SLC13A2: variants seen among roughly 807,000 people sequenced by gnomAD.
The protein encoded by SLC13A2 is solute carrier family 13 member 2.
A neutral mutation model predicts 58.5 loss-of-function variants in SLC13A2; 40 were observed. That is an observed-to-expected ratio of 0.68 (90% CI 0.53 to 0.89). The LOEUF is 0.89. Ranked by LOEUF, SLC13A2 falls within the 40% of genes least tolerant of loss-of-function variation. SLC13A2 has a pLI of 0.00. For missense variants in SLC13A2, 694 were observed against 772.6 expected (o/e 0.90, Z 1.21); for synonymous variants, 341 against 331.6 (o/e 1.03, Z -0.31).
intron 1 of SLC13A2, among the ~76,000 whole-genome samples, chr17:28,479,929 T>C (rs1555600736): frequency 1.3e-5 from 2 of 152,020 alleles, no homozygotes; most frequent in African/African-American, 2.4e-5. Context: ...CCGAGGCAGG[T>C]GGATCACCTG....
At chr17:28,488,267 G>C (rs1555602361) in intron 1 of SLC13A2, among the ~76,000 whole-genome samples, 1 of 152,098 alleles carries the variant, frequency 6.6e-6, no homozygotes, top group Non-Finnish European at 1.5e-5. Context: ...CAAGGACAGG[G>C]CAACTGGGAT....
chr17:28,477,462 G>A lies in SLC13A2; in HGVS notation c.102+3648G>A, dbSNP rs532317234. On this transcript the variant is annotated intron_variant, in intron 1 of 11. Transcript: ENST00000314669. ...GCCCGCCTTGGCCTCCCAAAGTGCT[G>A]GGATTACAGGCGTGAGCCACCATGC... Among the ~76,000 whole-genome samples, 628 of 151,866 alleles carry A rather than the reference G, an allele frequency of 4.1e-3. 5 individuals are homozygous for A. The highest frequency in any genetic ancestry group is 0.014 in the African/African-American group (597 of 41,542).
chr17:28,489,134 G>A, intron 1 of SLC13A2, 80 bp from the exon 2 acceptor site: 8 of 1,535,774 alleles, frequency 5.2e-6, no homozygotes, highest in Non-Finnish European at 7.1e-6. Flanking sequence ...AAATGGCCTG[G>A]TTTGTCTGAC....
chr17:28,474,442 A>G (rs1306563434), intron 1 of SLC13A2, among the ~76,000 whole-genome samples: 1 of 152,056 alleles, frequency 6.6e-6, no homozygotes, highest in Non-Finnish European at 1.5e-5. Context: ...CTCCGCCCCC[A>G]GCAGAAGTCA....
Position 28,494,740 on chromosome 17 carries a change from G to T in SLC13A2, c.1308+228G>T, listed in dbSNP as rs1179030137. Among the ~76,000 whole-genome samples, 1 of 152,158 alleles carries T rather than the reference G, an allele frequency of 6.6e-6. No individual in the cohort carries two copies. Among genetic ancestry groups the T allele is most frequent in the Non-Finnish European group, 1.5e-5 (1 of 68,022 alleles). On this transcript the variant is annotated intron_variant, in intron 9 of 11. Transcript: ENST00000314669. The surrounding 1 kb of genome is among the most constrained non-coding windows in gnomAD (Gnocchi z 4.0). ...TTTGTTCAGTTCTCAAAGTCCAAGG[G>T]AAGGCAGGATTCTCTGGTGGGCAGA... is the stretch of plus-strand genomic sequence containing the variant.
At chr17:28,488,731 G>A (rs56363554) in intron 1 of SLC13A2, among the ~76,000 whole-genome samples, 3,619 of 152,282 alleles carry the variant, frequency 0.024, 134 homozygotes, top group African/African-American at 0.083. Context: ...CCACAAAACC[G>A]ACTCTGTCTG....
chr17:28,494,419 T>G lies in SLC13A2; in HGVS notation c.1215T>G (p.Leu405=), dbSNP rs782043917. The G allele has an allele frequency of 6.2e-7, 1 of 1,614,182 alleles. No homozygotes were observed. Residue 405 remains leucine (L), a synonymous_variant, in exon 9 of 12, where the codon CTT becomes CTG. Coordinates refer to ENST00000314669, the MANE Select transcript of SLC13A2 (RefSeq NM_003984.4). This position sits in a 1 kb window ranked among gnomAD's most constrained non-coding sequence, Gnocchi z 4.0. ...ACCCAGGGAAGCTGAAGGCCCCTCT[T>G]GGCCTCCTCGACTGGAAGACGGTGA... is the stretch of plus-strand genomic sequence containing the variant. ...PENPGKLKAP[L]GLLDWKTVNQ... is the part of the protein sequence containing the mutation.
intron 4 of SLC13A2, 141 bp downstream of exon 4, chr17:28,491,047 T>C: frequency 1.1e-6 from 1 of 891,818 alleles, no homozygotes; most frequent in Middle Eastern, 3.4e-4. Flanking sequence ...GACCAATTTG[T>C]TTTTCCTTTT....
Position 28,473,929 on chromosome 17 carries a change from G to A in SLC13A2, c.102+115G>A, listed in dbSNP as rs1340626553. The stretch of plus-strand genomic sequence containing the variant: ...TAACTTCCTCACTGCCCCTGCCCTG[G>A]AAGTGAGGCTATCGCCCCCTGCTCC... On this transcript the variant is annotated intron_variant, in intron 1 of 11. Coordinates refer to ENST00000314669, the MANE Select transcript of SLC13A2 (RefSeq NM_003984.4). 3.6e-6 allele frequency: 3 copies of A among 837,410 alleles called. No individual in the cohort carries two copies. In the East Asian group the frequency reaches 8.1e-5, roughly 23 times the overall value. The allele number at this position is 837,410 out of a possible 1,614,324, so 51.9% of individuals were successfully genotyped here.
intron 6 of SLC13A2, among the ~76,000 whole-genome samples, chr17:28,493,186 G>C (rs1162945752): frequency 1.3e-5 from 2 of 152,174 alleles, no homozygotes; most frequent in African/African-American, 4.8e-5. Context: ...AGGCTGGCAG[G>C]GGATAAGCAG....
chr17:28,487,492 C>T lies in SLC13A2; in HGVS notation c.103-1722C>T, dbSNP rs943715300. Reference sequence around the variant, plus strand: ...AGCATTTGAAGCACATAGAATATGACGCCTGGCACAAAGTCATCCTCCAAT... The same window carrying T: ...AGCATTTGAAGCACATAGAATATGATGCCTGGCACAAAGTCATCCTCCAAT... On this transcript the variant is annotated intron_variant, in intron 1 of 11. Transcript: ENST00000314669. The T allele has an allele frequency of 1.3e-5, 13 of 967,896 alleles. No individual in the cohort carries two copies. In the African/African-American group the frequency reaches 1.4e-4, roughly 10 times the overall value. 60.0% of individuals were successfully genotyped at this position (967,896 alleles called of 1,614,324 possible).
chr17:28,495,560 A>G, intron 9 of SLC13A2, 95 bp from the exon 10 acceptor site: 13 of 1,230,360 alleles, frequency 1.1e-5, no homozygotes, highest in Non-Finnish European at 1.5e-5. Context: ...TACCAGGGAG[A>G]TGTTAGCAGG....
chr17:28,493,600 A>G lies in SLC13A2; in HGVS notation c.908A>G (p.Lys303Arg). The G allele has an allele frequency of 6.2e-7, 1 of 1,607,090 alleles. No homozygotes were observed. ...NFRKNFGIGEKMQEQQQAAYC... is the reference protein window; with the variant it reads ...NFRKNFGIGERMQEQQQAAYC... ...CGGAAGAACTTTGGCATTGGGGAAA[A>G]GATGCAGGAGCAACAGCAGGCAGCC... Residue 303 changes from lysine (K) to arginine (R), a missense_variant, in exon 7 of 12, where the codon AAG (lysine) becomes AGG (arginine). By Grantham distance (26) the Lys-to-Arg change is conservative. Coordinates refer to ENST00000314669, the MANE Select transcript of SLC13A2 (RefSeq NM_003984.4).
At chr17:28,474,108 CT>C (rs2068631880) in intron 1 of SLC13A2, among the ~76,000 whole-genome samples, 1 of 152,164 alleles carries the variant, frequency 6.6e-6, no homozygotes, top group Admixed American at 6.5e-5. Context: ...GCAGATGGAG[CT>C]GATCTACCTA....
At chr17:28,484,847 G>C (rs1458682743) in intron 1 of SLC13A2, among the ~76,000 whole-genome samples, 1 of 152,196 alleles carries the variant, frequency 6.6e-6, no homozygotes, top group African/African-American at 2.4e-5. Flanking sequence ...TGATGAACAG[G>C]CAGGAGACCC....
At position 28,494,852 on chromosome 17, in the gene SLC13A2, G is replaced by A. The variant is rs1555604337; in HGVS notation, c.1308+340G>A. 6.6e-6 allele frequency among the ~76,000 whole-genome samples: 1 copy of A among 152,138 alleles called. No homozygotes were observed. Among genetic ancestry groups the A allele is most frequent in the East Asian group, 1.9e-4 (1 of 5,182 alleles). On this transcript the variant is annotated intron_variant, in intron 9 of 11. Coordinates refer to ENST00000314669, the MANE Select transcript of SLC13A2 (RefSeq NM_003984.4). The surrounding 1 kb of genome is among the most constrained non-coding windows in gnomAD (Gnocchi z 4.0). ...GTAGCATCAGCACCAAAGTAATTGG[G>A]GGTTGTGTTGACGCGGTCTGCCCTC...
chr17:28,480,217 C>A (rs2068761341), intron 1 of SLC13A2, among the ~76,000 whole-genome samples: 1 of 151,864 alleles, frequency 6.6e-6, no homozygotes, highest in South Asian at 2.1e-4. Context: ...CCTGTGGTCC[C>A]TGTTACTTAG....
intron 1 of SLC13A2, among the ~76,000 whole-genome samples, chr17:28,484,573 G>T (rs782575436): frequency 2.0e-5 from 3 of 152,208 alleles, no homozygotes; most frequent in African/African-American, 7.2e-5. Flanking sequence ...GTTTTGAGAT[G>T]AGTGTGTGTG....
chr17:28,496,735 G>A lies in SLC13A2; in HGVS notation c.1608+148G>A. On this transcript the variant is annotated intron_variant, in intron 11 of 11. Transcript: ENST00000314669. The surrounding 1 kb of genome is among the most constrained non-coding windows in gnomAD (Gnocchi z 4.2). ...ATGAAGGTGCAGTTGGGGAGGTTGG[G>A]ACATGACCTCTCAGTGGTGGCATCT... The A allele has an allele frequency of 8.7e-7, 1 of 1,147,592 alleles. No homozygotes were observed. The highest frequency in any genetic ancestry group is 1.2e-6 in the Non-Finnish European group (1 of 827,898). 71.1% of individuals were successfully genotyped at this position (1,147,592 alleles called of 1,614,324 possible).
Sources: allele counts gnomAD v4.1 joint callset (sites outside exome capture counted in the v4.1 genomes callset), GRCh38; gene constraint gnomAD v4.1.1; non-coding constraint Gnocchi (gnomAD v3.1); transcripts MANE v1.5; gene names NCBI Gene and HGNC (gene_info 2026-07-23, HGNC 2026-07-21).